The following PPP2R2C variants were observed in gnomAD, a reference collection of about 807,000 sequenced individuals.
The protein encoded by PPP2R2C is protein phosphatase 2, regulatory subunit B, gamma.
PPP2R2C carries 10 observed loss-of-function variants against 45.3 expected under a neutral mutation model. That is an observed-to-expected ratio of 0.22 (90% CI 0.14 to 0.37). The LOEUF (loss-of-function observed/expected upper bound fraction) is 0.37. Ranked by LOEUF, PPP2R2C falls within the 10% of genes least tolerant of loss-of-function variation. PPP2R2C has a pLI of 1.00. For missense variants in PPP2R2C, 308 were observed against 619.7 expected (o/e 0.50, Z 5.34); for synonymous variants, 257 against 245.4 (o/e 1.05, Z -0.44).
chr4:6,434,705 T>C (rs1187268814), intron 1 of PPP2R2C, among the ~76,000 whole-genome samples: 3 of 152,188 alleles, frequency 2.0e-5, no homozygotes, highest in Non-Finnish European at 4.4e-5. Context: ...GTGAAATCCA[T>C]AGCCATGTTT....
intron 1 of PPP2R2C, among the ~76,000 whole-genome samples, chr4:6,449,751 A>T (rs1720639038): frequency 6.6e-6 from 1 of 152,206 alleles, no homozygotes; most frequent in Non-Finnish European, 1.5e-5. Context: ...TCCATCCCGC[A>T]CAAGGGCCTG....
At chr4:6,426,709 A>G (rs574647461) in intron 1 of PPP2R2C, among the ~76,000 whole-genome samples, 2 of 152,316 alleles carry the variant, frequency 1.3e-5, no homozygotes, top group Non-Finnish European at 1.5e-5. Context: ...CTGGGACAGC[A>G]GCCTGGGAAA....
At chr4:6,335,990 T>C (rs997849126) in intron 6 of PPP2R2C, among the ~76,000 whole-genome samples, 2 of 152,072 alleles carry the variant, frequency 1.3e-5, no homozygotes, top group Admixed American at 6.6e-5. Flanking sequence ...CCCACACCTC[T>C]GCCCTCAAAG....
intron 2 of PPP2R2C, among the ~76,000 whole-genome samples, chr4:6,522,826 G>A (rs1451888091): frequency 6.6e-6 from 1 of 152,260 alleles, no homozygotes. Context: ...ACTCCGCCCA[G>A]GAGGGAGACA....
At chr4:6,510,981 AAAAAAAAACAAACAAAC>A (rs1723417617) in intron 2 of PPP2R2C, among the ~76,000 whole-genome samples, 1 of 62,222 alleles carries the variant, frequency 1.6e-5, no homozygotes, top group African/African-American at 6.8e-5. Context: ...CGTCTCAAAC[AAAAAAAAACAAACAAAC>A]AAAAAAAAAA....
In PPP2R2C at chr4:6,345,505, C is replaced by T. The variant is rs1405912993; in HGVS notation, c.790+2341G>A. On this transcript the variant is annotated intron_variant, in intron 6 of 8. Coordinates refer to ENST00000382599, the MANE Select transcript of PPP2R2C (RefSeq NM_020416.4). This position sits in a 1 kb window ranked among gnomAD's most constrained non-coding sequence, Gnocchi z 5.3. ...ATCATTAGGGGTGGCAGGAACAAGG[C>T]GATCACAAGGGCCTTTATACGCGAA... 4.6e-5 allele frequency among the ~76,000 whole-genome samples: 7 copies of T among 152,270 alleles called. 1 individual carries two copies. In the South Asian group the frequency reaches 6.2e-4, roughly 14 times the overall value.
chr4:6,432,203 G>A (rs1025119254), intron 1 of PPP2R2C, among the ~76,000 whole-genome samples: 3 of 152,160 alleles, frequency 2.0e-5, no homozygotes, highest in African/African-American at 7.2e-5. Flanking sequence ...TGCCCAGTAA[G>A]TGGCTTCTGC....
chr4:6,373,098 C>A (rs1264942616), intron 4 of PPP2R2C, among the ~76,000 whole-genome samples: 2 of 152,192 alleles, frequency 1.3e-5, no homozygotes, highest in Non-Finnish European at 2.9e-5. Flanking sequence ...CCTTTGTGCC[C>A]AGACATGGCC....
At chr4:6,371,601 C>G (rs7696443) in intron 5 of PPP2R2C, among the ~76,000 whole-genome samples, 140,438 of 152,210 alleles carry the variant, frequency 0.92, 65,067 homozygotes, top group East Asian at 1. Context: ...GAAGCGGGGA[C>G]TCTGGGGCCT....
At chr4:6,460,514 G>A (rs948101834) in intron 1 of PPP2R2C, among the ~76,000 whole-genome samples, 44 of 152,094 alleles carry the variant, frequency 2.9e-4, no homozygotes, top group African/African-American at 1.0e-3. Context: ...TAAGAAAATG[G>A]GCTGTGTTAT....
intron 1 of PPP2R2C, among the ~76,000 whole-genome samples, chr4:6,399,602 T>C (rs7653967): frequency 0.28 from 41,950 of 152,066 alleles, 6,563 homozygotes; most frequent in East Asian, 0.71. Flanking sequence ...CTCCCAGGTG[T>C]ACACAGCTTC....
chr4:6,553,525 C>T (rs1449147433), intron 1 of PPP2R2C, among the ~76,000 whole-genome samples: 1 of 152,206 alleles, frequency 6.6e-6, no homozygotes. Context: ...GCCTACAGCA[C>T]CACACTGTCC....
At position 6,398,715 on chromosome 4, in the gene PPP2R2C, C is replaced by T. The variant is rs367573629; in HGVS notation, c.71-17621G>A. ...GTTTCTTAAAGCGTGAAAATAAGCA[C>T]GGGTCTACCATGCGAACCAACCATC... On this transcript the variant is annotated intron_variant, in intron 1 of 8. Transcript: ENST00000382599. Among the ~76,000 whole-genome samples, 367 of 152,278 alleles carry T rather than the reference C, an allele frequency of 2.4e-3. 1 individual carries two copies. Among genetic ancestry groups the T allele is most frequent in the African/African-American group, 8.5e-3 (352 of 41,562 alleles).
chr4:6,537,006 C>A (rs181761168), intron 1 of PPP2R2C, among the ~76,000 whole-genome samples: 3 of 152,266 alleles, frequency 2.0e-5, no homozygotes, highest in African/African-American at 7.2e-5. Context: ...AGTTCGAGAC[C>A]AGCCTGGCCA....
chr4:6,442,942 C>A (rs1269929977), intron 1 of PPP2R2C, among the ~76,000 whole-genome samples: 1 of 152,342 alleles, frequency 6.6e-6, no homozygotes, highest in East Asian at 1.9e-4. Flanking sequence ...CCCATTCCCC[C>A]CATCACAGCT....
intron 2 of PPP2R2C, among the ~76,000 whole-genome samples, chr4:6,515,068 T>C (rs1198909224): frequency 1.3e-5 from 2 of 152,112 alleles, no homozygotes; most frequent in Non-Finnish European, 2.9e-5. Flanking sequence ...AACTTCCACA[T>C]GAGGCCACAT....
At chr4:6,393,616 AC>A (rs1716804849) in intron 1 of PPP2R2C, among the ~76,000 whole-genome samples, 1 of 152,152 alleles carries the variant, frequency 6.6e-6, no homozygotes, top group Non-Finnish European at 1.5e-5. Context: ...CAGGAGCCAG[AC>A]CCAGCGTGGA....
At position 6,324,203 on chromosome 4, in the gene PPP2R2C, G is replaced by A. The variant is rs1189240772; in HGVS notation, c.1053-610C>T. Among the ~76,000 whole-genome samples the A allele has an allele frequency of 2.0e-5, 3 of 151,906 alleles. No homozygotes were observed. Among genetic ancestry groups the A allele is most frequent in the Admixed American group, 1.3e-4 (2 of 15,240 alleles). On this transcript the variant is annotated intron_variant, in intron 8 of 8. Transcript: ENST00000382599. This position sits in a 1 kb window ranked among gnomAD's most constrained non-coding sequence, Gnocchi z 4.1. Reference sequence around the variant, plus strand: ...TCCCAGCACTTTGGGAAGCCAAGGCGGGCAGATCACCTGAGGTTAGGAGTT... The same window carrying A: ...TCCCAGCACTTTGGGAAGCCAAGGCAGGCAGATCACCTGAGGTTAGGAGTT...
chr4:6,396,858 A>G (rs1472670020), intron 1 of PPP2R2C, among the ~76,000 whole-genome samples: 1 of 152,184 alleles, frequency 6.6e-6, no homozygotes, highest in Non-Finnish European at 1.5e-5. Flanking sequence ...GCTGATTTCC[A>G]TGCTACCCAC....
Sources: allele counts gnomAD v4.1 joint callset (sites outside exome capture counted in the v4.1 genomes callset), GRCh38; gene constraint gnomAD v4.1.1; non-coding constraint Gnocchi (gnomAD v3.1); transcripts MANE v1.5; gene names NCBI Gene and HGNC (gene_info 2026-07-23, HGNC 2026-07-21).